ST8SIA6: variants seen among roughly 807,000 people sequenced by gnomAD.
ST8SIA6 encodes the protein ST8 alpha-N-acetyl-neuraminide alpha-2,8-sialyltransferase 6, also known as alpha-2,8-sialyltransferase 8F.
ST8SIA6 carries 39 observed loss-of-function variants against 33.6 expected under a neutral mutation model. That is an observed-to-expected ratio of 1.16 (90% CI 0.90 to 1.52). The LOEUF is 1.52. ST8SIA6 is among the 40% of genes most tolerant of loss of function. The probability of loss-of-function intolerance (pLI) is 0.00; values close to 1 mark genes in which losing one functional copy is unlikely to be tolerated. For synonymous variants in ST8SIA6, 172 were observed against 167.2 expected (o/e 1.03, Z -0.22); for missense variants, 441 against 443.8 (o/e 0.99, Z 0.06).
At position 17,321,264 on chromosome 10, in the gene ST8SIA6, A is replaced by G; in HGVS notation, c.811T>C (p.Phe271Leu). 6.2e-7 allele frequency: 1 copy of G among 1,614,030 alleles called. No homozygotes were observed. Among genetic ancestry groups the G allele is most frequent in the South Asian group, 1.1e-5 (1 of 91,078 alleles). Residue 271 changes from phenylalanine to leucine, a missense_variant, in exon 8 of 8, where the codon TTT becomes CTT. Transcript: ENST00000377602. ...GTACCCGTGTTGGCCCTGAAGGAAAATGCTGGCAGAAGAAAAAATGCATCT... is the reference window on the plus strand; with the variant it reads ...GTACCCGTGTTGGCCCTGAAGGAAAGTGCTGGCAGAAGAAAAAATGCATCT... The part of the protein sequence containing the change: ...YGDAFFLLPA[F>L]SFRANTGTSF...
At chr10:17,335,452 A>G (rs778840121) in intron 4 of ST8SIA6, among the ~76,000 whole-genome samples, 15 of 152,224 alleles carry the variant, frequency 9.9e-5, no homozygotes, top group Non-Finnish European at 1.8e-4. Flanking sequence ...CTGAATTCCA[A>G]TAATTCTCAA....
At chr10:17,421,217 G>A (rs1851771999) in intron 2 of ST8SIA6, among the ~76,000 whole-genome samples, 2 of 152,302 alleles carry the variant, frequency 1.3e-5, no homozygotes, top group Middle Eastern at 3.4e-3. Context: ...GAAAGGCCAT[G>A]CCAGCCTCAA....
intron 3 of ST8SIA6, among the ~76,000 whole-genome samples, chr10:17,388,671 G>A (rs1850471003): frequency 6.6e-6 from 1 of 152,160 alleles, no homozygotes; most frequent in Non-Finnish European, 1.5e-5. Flanking sequence ...AGGAAATTAT[G>A]ACATGAAAGA....
intron 2 of ST8SIA6, among the ~76,000 whole-genome samples, chr10:17,402,915 A>G (rs949562778): frequency 3.3e-5 from 5 of 152,134 alleles, no homozygotes; most frequent in African/African-American, 9.7e-5. Context: ...CCTAGAACTT[A>G]AAAGTATAAT....
At chr10:17,321,564 A>C (rs1293736460) in intron 7 of ST8SIA6, among the ~76,000 whole-genome samples, 2 of 152,114 alleles carry the variant, frequency 1.3e-5, no homozygotes, top group South Asian at 4.1e-4. Flanking sequence ...GAATCCTTTC[A>C]ATTTCTACTT....
At chr10:17,417,636 A>G (rs951731607) in intron 2 of ST8SIA6, among the ~76,000 whole-genome samples, 7 of 152,060 alleles carry the variant, frequency 4.6e-5, no homozygotes, top group Admixed American at 1.3e-4. Flanking sequence ...CTGGCACACA[A>G]TGAATGTTCA....
At chr10:17,408,649 G>T (rs1851351177) in intron 2 of ST8SIA6, among the ~76,000 whole-genome samples, 1 of 151,488 alleles carries the variant, frequency 6.6e-6, no homozygotes, top group Non-Finnish European at 1.5e-5. Context: ...GACAGAGCGA[G>T]ATTGTCTCAA....
intron 4 of ST8SIA6, among the ~76,000 whole-genome samples, chr10:17,348,538 T>C (rs1188362479): frequency 6.6e-6 from 1 of 152,192 alleles, no homozygotes; most frequent in Non-Finnish European, 1.5e-5. Context: ...AACTGTGTCT[T>C]GCACAGGTGG....
chr10:17,355,229 T>C (rs17140702), intron 4 of ST8SIA6, among the ~76,000 whole-genome samples: 32,180 of 152,130 alleles, frequency 0.21, 3,474 homozygotes, highest in African/African-American at 0.23. Context: ...TCCAGTTGTC[T>C]TAAAGTCAGC....
chr10:17,390,398 G>C, intron 3 of ST8SIA6, 133 bp downstream of exon 3: 1 of 708,600 alleles, frequency 1.4e-6, no homozygotes, highest in East Asian at 2.6e-5. Flanking sequence ...TCATTAACAG[G>C]AGCTTCAGAG....
intron 6 of ST8SIA6, 72 bp from the exon 7 acceptor site, chr10:17,323,229 G>GCGCACGCACACACA (rs112083592): frequency 0.22 from 175,390 of 787,968 alleles, 19,653 homozygotes; most frequent in African/African-American, 0.35. Flanking sequence ...ACATATGCGC[G>GCGCACGCACACACA]CACACACACA....
intron 2 of ST8SIA6, among the ~76,000 whole-genome samples, chr10:17,406,704 C>T (rs1227315638): frequency 6.6e-6 from 1 of 152,038 alleles, no homozygotes; most frequent in Non-Finnish European, 1.5e-5. Context: ...CCATGAATCA[C>T]CTGAGAAATG....
chr10:17,351,889 C>T (rs1849041688), intron 4 of ST8SIA6, among the ~76,000 whole-genome samples: 1 of 152,006 alleles, frequency 6.6e-6, no homozygotes, highest in Non-Finnish European at 1.5e-5. Flanking sequence ...GTGGTTACAA[C>T]AGGTTGGGAG....
At chr10:17,421,118 CAG>C (rs1851768733) in intron 2 of ST8SIA6, among the ~76,000 whole-genome samples, 1 of 152,158 alleles carries the variant, frequency 6.6e-6, no homozygotes, top group Non-Finnish European at 1.5e-5. Flanking sequence ...GGTGGAGACA[CAG>C]AGCCAAAACA....
intron 2 of ST8SIA6, among the ~76,000 whole-genome samples, chr10:17,404,248 T>C (rs781188397): frequency 1.3e-5 from 2 of 152,152 alleles, no homozygotes; most frequent in Non-Finnish European, 2.9e-5. Flanking sequence ...ATTGAGACAC[T>C]GGAAGATTAA....
intron 5 of ST8SIA6, among the ~76,000 whole-genome samples, chr10:17,329,209 G>A (rs2131582607): frequency 6.6e-6 from 1 of 152,276 alleles, no homozygotes; most frequent in Admixed American, 6.5e-5. Flanking sequence ...ACTATTTCAA[G>A]TACATACTTT....
At chr10:17,368,307 T>G (rs544086159) in intron 3 of ST8SIA6, among the ~76,000 whole-genome samples, 20 of 143,018 alleles carry the variant, frequency 1.4e-4, no homozygotes, top group Admixed American at 7.1e-5. Context: ...CTCGTGAGGC[T>G]GAGGCAGGAG....
In ST8SIA6 at chr10:17,405,691, G is replaced by T. The variant is rs943184418; in HGVS notation, c.201-15071C>A. On this transcript the variant is annotated intron_variant, in intron 2 of 7. Transcript: ENST00000377602. Reference sequence around the variant, plus strand: ...AAGGTCAGGAGTTCAAGACCAGCCTGGCCAACATGGCAAAACCCTGTCTCT... The same window carrying T: ...AAGGTCAGGAGTTCAAGACCAGCCTTGCCAACATGGCAAAACCCTGTCTCT... Among the ~76,000 whole-genome samples, 4 of 151,394 alleles carry T rather than the reference G, an allele frequency of 2.6e-5. No homozygotes were observed. In the South Asian group the frequency reaches 8.4e-4, roughly 32 times the overall value.
At chr10:17,408,502 A>G (rs1249586757) in intron 2 of ST8SIA6, among the ~76,000 whole-genome samples, 1 of 151,952 alleles carries the variant, frequency 6.6e-6, no homozygotes, top group Non-Finnish European at 1.5e-5. Flanking sequence ...CGTCTCTACT[A>G]GAAAGGCAAA....
Sources: gnomAD v4.1 joint callset for allele counts (sites outside exome capture counted in the v4.1 genomes callset) on GRCh38, gnomAD v4.1.1 for gene constraint, MANE v1.5 for transcripts, NCBI Gene and HGNC (gene_info 2026-07-23, HGNC 2026-07-21) for gene names.